Variants in FAM81A observed in about 807,000 individuals in gnomAD.
FAM81A encodes family with sequence similarity 81 member A.
FAM81A carries 19 observed loss-of-function variants against 46.7 expected under a neutral mutation model. That is an observed-to-expected ratio of 0.41 (90% CI 0.28 to 0.60). FAM81A has a LOEUF of 0.60. FAM81A is among the 20% of genes least tolerant of loss of function. The pLI is 0.34. For missense variants in FAM81A, 377 were observed against 453.5 expected, an observed-to-expected ratio of 0.83 and a Z score of 1.53; for synonymous variants, 183 against 152.9, an observed-to-expected ratio of 1.20 and a Z score of -1.45.
chr15:59,478,626 G>T (rs2081804976), intron 3 of FAM81A, among the ~76,000 whole-genome samples: 1 of 152,190 alleles, frequency 6.6e-6, no homozygotes, highest in African/African-American at 2.4e-5. Context: ...CAGCGGAGGG[G>T]TTTTGGTGAT....
At chr15:59,495,878 A>G (rs541680448) in intron 4 of FAM81A, among the ~76,000 whole-genome samples, 1 of 152,276 alleles carries the variant, frequency 6.6e-6, no homozygotes, top group Non-Finnish European at 1.5e-5. Flanking sequence ...TCTTTCTATT[A>G]TTGAGCTGTA....
At chr15:59,477,544 CT>C (rs1478483010) in intron 3 of FAM81A, among the ~76,000 whole-genome samples, 1 of 152,166 alleles carries the variant, frequency 6.6e-6, no homozygotes, top group African/African-American at 2.4e-5. Context: ...TGTCATGTGA[CT>C]CTGAACAGTT....
chr15:59,509,577 C>T (rs188945898), intron 6 of FAM81A, among the ~76,000 whole-genome samples: 1 of 152,178 alleles, frequency 6.6e-6, no homozygotes. Flanking sequence ...GGCCATGTGA[C>T]AATGGAAGCG....
intron 2 of FAM81A, among the ~76,000 whole-genome samples, chr15:59,421,372 G>T (rs2081170201): frequency 1.3e-5 from 2 of 152,156 alleles, no homozygotes; most frequent in African/African-American, 2.4e-5. Flanking sequence ...CTGCTTTAAA[G>T]GCAGGACAAC....
At chr15:59,445,636 T>G (rs1207183249) in intron 1 of FAM81A, 1 of 152,238 alleles carries the variant, frequency 6.6e-6, no homozygotes, top group Non-Finnish European at 1.5e-5. Context: ...TGGATCTTTC[T>G]TCTAAGCCTA....
In FAM81A at chr15:59,516,410, G is replaced by A. The variant is rs147558502; in HGVS notation, c.787-235G>A. 1.0e-3 allele frequency among the ~76,000 whole-genome samples: 159 copies of A among 152,254 alleles called. 1 individual carries two copies. The highest frequency in any genetic ancestry group is 3.6e-3 in the African/African-American group (149 of 41,556). ...CTCCCAAAGTGCTGGAATTACAGGC[G>A]TGAGCCACCGCACCCAGCCTGAAAA... is the stretch of plus-strand genomic sequence containing the variant. On this transcript the variant is annotated intron_variant, in intron 7 of 8. Transcript: ENST00000288228.
intron 6 of FAM81A, among the ~76,000 whole-genome samples, chr15:59,510,551 T>TG (rs2082195668): frequency 6.6e-6 from 1 of 151,938 alleles, no homozygotes; most frequent in African/African-American, 2.4e-5. Context: ...GAAGGTGGTC[T>TG]GGTACCTTCA....
At position 59,449,517 on chromosome 15, in the gene FAM81A, C is replaced by T. The variant is rs574902967; in HGVS notation, c.-77-9033C>T. ...ACATTGTAGGCCGGGCACGGTGGCT[C>T]ACGCCTGTAATCCCAGCACTTTGGG... On this transcript the variant is annotated intron_variant, in intron 1 of 8. Coordinates refer to ENST00000288228, the MANE Select transcript of FAM81A (RefSeq NM_152450.3). Among the ~76,000 whole-genome samples, 23 of 152,242 alleles carry T rather than the reference C, an allele frequency of 1.5e-4. 1 individual carries two copies. In the South Asian group the frequency reaches 4.4e-3, roughly 29 times the overall value.
chr15:59,421,743 CTGT>C (rs2141552766), intron 2 of FAM81A, among the ~76,000 whole-genome samples: 1 of 28,920 alleles, frequency 3.5e-5, no homozygotes. Flanking sequence ...ATCTATCTAT[CTGT>C]CTATCTATCT....
intron 2 of FAM81A, among the ~76,000 whole-genome samples, chr15:59,423,434 G>A (rs556647549): frequency 1.6e-4 from 25 of 152,162 alleles, no homozygotes; most frequent in Non-Finnish European, 3.5e-4. Flanking sequence ...GATAGAAAAG[G>A]ACACTGCAGC....
chr15:59,429,888 C>A (rs2081212040), intron 2 of FAM81A, among the ~76,000 whole-genome samples: 1 of 152,212 alleles, frequency 6.6e-6, no homozygotes, highest in Non-Finnish European at 1.5e-5. Context: ...AATAGGTGCA[C>A]TCCTGATGCT....
At chr15:59,411,374 T>C (rs1373739966) in intron 2 of FAM81A, among the ~76,000 whole-genome samples, 1 of 152,120 alleles carries the variant, frequency 6.6e-6, no homozygotes, top group Non-Finnish European at 1.5e-5. Flanking sequence ...TATATATGCA[T>C]CTTCCAATAG....
At chr15:59,427,276 A>G (rs2081198973) in intron 2 of FAM81A, among the ~76,000 whole-genome samples, 1 of 151,806 alleles carries the variant, frequency 6.6e-6, no homozygotes, top group Admixed American at 6.6e-5. Flanking sequence ...AAGCCCAGCT[A>G]ATTTTTGTAT....
chr15:59,487,724 A>G (rs917243642), intron 3 of FAM81A, among the ~76,000 whole-genome samples: 1 of 152,170 alleles, frequency 6.6e-6, no homozygotes, highest in African/African-American at 2.4e-5. Context: ...CAAAACCTGA[A>G]CAAACCAGTA....
At chr15:59,428,469 C>G (rs1195297182) in intron 2 of FAM81A, among the ~76,000 whole-genome samples, 1 of 149,254 alleles carries the variant, frequency 6.7e-6, no homozygotes, top group Non-Finnish European at 1.5e-5. Context: ...GAGACAGAGT[C>G]TTACTATGTT....
At chr15:59,454,249 C>G (rs1176709606) in intron 1 of FAM81A, among the ~76,000 whole-genome samples, 1 of 152,134 alleles carries the variant, frequency 6.6e-6, no homozygotes, top group Non-Finnish European at 1.5e-5. Flanking sequence ...CATAATGTAT[C>G]AATCCTATAT....
chr15:59,464,047 A>T (rs915950866), intron 3 of FAM81A, among the ~76,000 whole-genome samples: 1 of 152,148 alleles, frequency 6.6e-6, no homozygotes, highest in South Asian at 2.1e-4. Flanking sequence ...TAGCTTTCAC[A>T]TATGAGTAAG....
chr15:59,516,586 G>A, intron 7 of FAM81A, 59 bp from the exon 8 acceptor site: 4 of 1,526,554 alleles, frequency 2.6e-6, no homozygotes, highest in Non-Finnish European at 3.6e-6. Flanking sequence ...TGGCTGATGT[G>A]AATGCAATGC....
intron 6 of FAM81A, among the ~76,000 whole-genome samples, chr15:59,510,031 C>G (rs2082188549): frequency 6.6e-6 from 1 of 152,096 alleles, no homozygotes; most frequent in Admixed American, 6.6e-5. Context: ...GAATGGCAGA[C>G]AAGCATACAG....
Sources: gnomAD v4.1 joint callset for allele counts (sites outside exome capture counted in the v4.1 genomes callset) on GRCh38, gnomAD v4.1.1 for gene constraint, MANE v1.5 for transcripts, NCBI Gene and HGNC (gene_info 2026-07-23, HGNC 2026-07-21) for gene names.